Variants in RUFY2 observed in about 807,000 individuals in gnomAD.
The protein encoded by RUFY2 is RUN and FYVE domain-containing protein 2.
In RUFY2, 49 loss-of-function variants were observed where a neutral mutation model predicts 94.4. That is an observed-to-expected ratio of 0.52 (90% CI 0.41 to 0.66). The LOEUF is 0.66. RUFY2 is among the 30% of genes least tolerant of loss of function. The pLI, the probability that RUFY2 is intolerant of heterozygous loss-of-function variation, is 0.00. For synonymous variants in RUFY2, 255 were observed against 235.7 expected, an observed-to-expected ratio of 1.08 and a Z score of -0.75; for missense variants, 541 against 692.8, an observed-to-expected ratio of 0.78 and a Z score of 2.46.
downstream of RUFY2, chr10:68,341,570 C>G (rs778103190): frequency 3.2e-6 from 5 of 1,555,192 alleles, no homozygotes; most frequent in Middle Eastern, 1.7e-4. Flanking sequence ...GTTACTCTTT[C>G]TTTTTTTCTT....
intron 7 of RUFY2, among the ~76,000 whole-genome samples, chr10:68,391,909 T>C (rs1468194579): frequency 6.6e-6 from 1 of 151,178 alleles, no homozygotes; most frequent in Non-Finnish European, 1.5e-5. Flanking sequence ...GAGGTTGCAG[T>C]GAGCTGAGAC....
intron 13 of RUFY2, among the ~76,000 whole-genome samples, chr10:68,366,471 A>G (rs959385994): frequency 2.0e-5 from 3 of 151,518 alleles, no homozygotes; most frequent in Non-Finnish European, 4.4e-5. Flanking sequence ...GGCTGGGCGC[A>G]GTGGCTTATG....
intron 10 of RUFY2, among the ~76,000 whole-genome samples, chr10:68,383,290 A>C (rs373276141): frequency 4.2e-4 from 64 of 152,122 alleles, no homozygotes; most frequent in African/African-American, 1.5e-3. Context: ...GCACCACTGC[A>C]CTCCAGCCTG....
chr10:68,371,918 C>G (rs543667452), intron 13 of RUFY2, among the ~76,000 whole-genome samples: 1 of 152,114 alleles, frequency 6.6e-6, no homozygotes, highest in Non-Finnish European at 1.5e-5. Flanking sequence ...ACTGCCAACC[C>G]AGAATTCTAT....
At chr10:68,369,855 C>T (rs1270694902) in intron 13 of RUFY2, among the ~76,000 whole-genome samples, 1 of 152,188 alleles carries the variant, frequency 6.6e-6, no homozygotes, top group African/African-American at 2.4e-5. Flanking sequence ...TATGATGCAG[C>T]ACAAAGCCCT....
chr10:68,362,031 C>A (rs1421958874), intron 15 of RUFY2, among the ~76,000 whole-genome samples: 1 of 152,044 alleles, frequency 6.6e-6, no homozygotes, highest in Admixed American at 6.6e-5. Flanking sequence ...CTTTTCTGTA[C>A]TTAAAAAAGT....
At chr10:68,364,921 TA>T (rs143940020) in intron 13 of RUFY2, among the ~76,000 whole-genome samples, 36 of 145,002 alleles carry the variant, frequency 2.5e-4, no homozygotes, top group Non-Finnish European at 4.6e-5. Flanking sequence ...TTAAGTTGAC[TA>T]AAAAAAAAAC....
At chr10:68,347,892 T>TA (rs1191343466) in intron 16 of RUFY2, among the ~76,000 whole-genome samples, 1 of 151,098 alleles carries the variant, frequency 6.6e-6, no homozygotes, top group East Asian at 1.9e-4. Flanking sequence ...GGCCCATAGA[T>TA]ACATTTCTAA....
At chr10:68,383,576 C>T (rs1374600422) in intron 10 of RUFY2, among the ~76,000 whole-genome samples, 1 of 152,198 alleles carries the variant, frequency 6.6e-6, no homozygotes, top group African/African-American at 2.4e-5. Flanking sequence ...GCCAAGATCA[C>T]ACCACTGCAC....
intron 12 of RUFY2, chr10:68,377,851 C>T: frequency 1.0e-6 from 1 of 985,394 alleles, no homozygotes; most frequent in Non-Finnish European, 1.2e-6. Context: ...AACTCTTCCT[C>T]TTCCTTTCTT....
At chr10:68,367,967 C>CTTT (rs748208331) in intron 13 of RUFY2, among the ~76,000 whole-genome samples, 1 of 139,002 alleles carries the variant, frequency 7.2e-6, no homozygotes, top group African/African-American at 2.6e-5. Flanking sequence ...TGTGGGTTGT[C>CTTT]TTTTTTTTTT....
At position 68,406,675 on chromosome 10, in the gene RUFY2, G is replaced by T. The variant is rs535653464; in HGVS notation, c.4+511C>A. 37 of 1,323,280 alleles carry T rather than the reference G, an allele frequency of 2.8e-5. No individual in the cohort carries two copies. In the African/African-American group the frequency reaches 5.4e-4, roughly 19 times the overall value. 82.0% of individuals were successfully genotyped at this position (1,323,280 alleles called of 1,614,324 possible). A position where few individuals can be genotyped will look rare whatever the true frequency, so the allele number is the denominator to read the frequency against. ...TGCCGGGGCCTAGAGCCCCTTCCCT[G>T]CCTCTCTTCCTGCCCCCTCCCCCCA... On this transcript the variant is annotated intron_variant, in intron 1 of 17. Transcript: ENST00000602465.
chr10:68,360,248 G>C lies in RUFY2; in HGVS notation c.1550+3342C>G, dbSNP rs189941182. On this transcript the variant is annotated intron_variant, in intron 15 of 17. Transcript: ENST00000602465. ...AGCCCAGGAGTTTGAGACCAGCCTG[G>C]GCAACATAGTGAGACCCCGCCTCCA... Among the ~76,000 whole-genome samples, 996 of 151,868 alleles carry C rather than the reference G, an allele frequency of 6.6e-3. 13 individuals are homozygous for C. Among genetic ancestry groups the C allele is most frequent in the Non-Finnish European group, 0.011 (773 of 67,950 alleles).
At chr10:68,406,204 A>T (rs539609860) in intron 1 of RUFY2, among the ~76,000 whole-genome samples, 1 of 152,100 alleles carries the variant, frequency 6.6e-6, no homozygotes, top group East Asian at 1.9e-4. Context: ...GTCTCCAATG[A>T]TCTAGTATTC....
chr10:68,352,643 A>G (rs1021646560), intron 16 of RUFY2, among the ~76,000 whole-genome samples: 1 of 152,178 alleles, frequency 6.6e-6, no homozygotes, highest in Non-Finnish European at 1.5e-5. Context: ...TTAAAAAGAG[A>G]GGGGTGGCTG....
At chr10:68,377,215 T>C in intron 12 of RUFY2, 1 of 1,345,496 alleles carries the variant, frequency 7.4e-7, no homozygotes, top group East Asian at 3.2e-5. Flanking sequence ...ATTTGTTTTA[T>C]TTCTTGTTCA....
chr10:68,401,650 C>G lies in RUFY2; in HGVS notation c.266G>C (p.Gly89Ala), dbSNP rs1192517829. Residue 89 changes from glycine to alanine, a missense_variant, in exon 3 of 18, where the codon GGA (glycine) becomes GCA (alanine). Physicochemically the swap from Gly to Ala is moderately conservative, Grantham distance 60 (BLOSUM62 0). This residue lies in a region of RUFY2 where 85 missense variants were observed against 153.4 expected (regional missense o/e 0.55). Transcript: ENST00000602465. ...EKLYPEAEEI[G>A]ASVRDLPGLK... ...ACCAGGTAGATCCCGGACACTAGCT[C>G]CTATTTCCTCTGCTTCGGGGTACAG... is the stretch of plus-strand genomic sequence containing the variant. 3.5e-5 allele frequency: 57 copies of G among 1,613,498 alleles called. 1 individual carries two copies. In the Middle Eastern group the frequency reaches 4.9e-4, roughly 14 times the overall value.
chr10:68,360,421 A>G (rs1384454248), intron 15 of RUFY2, among the ~76,000 whole-genome samples: 1 of 150,878 alleles, frequency 6.6e-6, no homozygotes, highest in Admixed American at 6.6e-5. Context: ...ACACAGTGAG[A>G]CTCTGTCTCT....
At chr10:68,401,525 C>A in intron 3 of RUFY2, 95 bp downstream of exon 3, 1 of 732,448 alleles carries the variant, frequency 1.4e-6, no homozygotes, top group Non-Finnish European at 2.4e-6. Flanking sequence ...GGACTTAAGA[C>A]TAAGAGAAGA....
Sources: allele counts gnomAD v4.1 joint callset (sites outside exome capture counted in the v4.1 genomes callset), GRCh38; gene constraint gnomAD v4.1.1; regional missense constraint gnomAD v4.1.1; transcripts MANE v1.5; gene names NCBI Gene and HGNC (gene_info 2026-07-23, HGNC 2026-07-21).